The following CCDC7 variants were observed in gnomAD, a reference collection of about 807,000 sequenced individuals.
CCDC7 encodes the protein coiled-coil domain-containing protein 7.
Under a neutral mutation model 196.9 loss-of-function variants are expected in CCDC7, and 183 were observed. That is an observed-to-expected ratio of 0.93 (90% CI 0.82 to 1.05). The LOEUF is 1.05. Ranked by LOEUF, CCDC7 falls within the 50% of genes least tolerant of loss-of-function variation. CCDC7 has a pLI of 0.00. For synonymous variants in CCDC7, 525 were observed against 484.6 expected (o/e 1.08, Z -1.10); for missense variants, 1,540 against 1,482.2 (o/e 1.04, Z -0.64).
At chr10:32,445,202 T>C (rs958591089), upstream of CCDC7, among the ~76,000 whole-genome samples, 3 of 152,130 alleles carry the variant, frequency 2.0e-5, no homozygotes, top group African/African-American at 7.2e-5. Flanking sequence ...AGACAGAACA[T>C]TTCTGGTACA....
At chr10:32,670,839 T>C (rs776797560) in intron 21 of CCDC7, among the ~76,000 whole-genome samples, 29 of 152,228 alleles carry the variant, frequency 1.9e-4, no homozygotes, top group Non-Finnish European at 4.1e-4. Flanking sequence ...TATTATTTTC[T>C]TCCTTCTATA....
chr10:32,470,766 A>G lies in CCDC7; in HGVS notation c.511-298A>G, dbSNP rs527427988. On this transcript the variant is annotated intron_variant, in intron 5 of 41. Coordinates refer to ENST00000639629, the Ensembl canonical transcript of CCDC7. ...ACAATTTAGAATGACTCTTGTAAAT[A>G]TTTTGAGTTGCATTTATTGTTATTG... Among the ~76,000 whole-genome samples the G allele has an allele frequency of 3.3e-4, 50 of 152,304 alleles. No homozygotes were observed. The South Asian group carries it at 4.4e-3, about 13-fold the overall frequency.
intron 29 of CCDC7, among the ~76,000 whole-genome samples, chr10:32,786,633 C>T (rs2081934599): frequency 6.6e-6 from 1 of 152,078 alleles, no homozygotes. Flanking sequence ...TGGTAATGCA[C>T]ACCTGTAATC....
chr10:32,603,268 C>G (rs2061253052), intron 18 of CCDC7, among the ~76,000 whole-genome samples: 1 of 152,012 alleles, frequency 6.6e-6, no homozygotes, highest in Non-Finnish European at 1.5e-5. Context: ...CTCCATGTTA[C>G]AAATCACAGG....
intron 30 of CCDC7, among the ~76,000 whole-genome samples, chr10:32,810,712 C>T (rs1478496977): frequency 6.6e-6 from 1 of 152,090 alleles, no homozygotes; most frequent in Non-Finnish European, 1.5e-5. Flanking sequence ...CTGCAGAACA[C>T]ACATTCTTCT....
At chr10:32,684,050 C>G (rs2076179245) in intron 21 of CCDC7, among the ~76,000 whole-genome samples, 2 of 152,118 alleles carry the variant, frequency 1.3e-5, no homozygotes, top group African/African-American at 4.8e-5. Context: ...ATCTCTGCCT[C>G]AGAGAAATGC....
chr10:32,830,354 C>A (rs375121523), intron 32 of CCDC7, among the ~76,000 whole-genome samples: 1 of 149,116 alleles, frequency 6.7e-6, no homozygotes, highest in Non-Finnish European at 1.5e-5. Context: ...CTAAAAAGCC[C>A]AATTTTAGCA....
At chr10:32,522,698 T>G (rs1303908026) in intron 11 of CCDC7, among the ~76,000 whole-genome samples, 3 of 152,152 alleles carry the variant, frequency 2.0e-5, no homozygotes, top group East Asian at 1.9e-4. Flanking sequence ...TTTCTTCTAC[T>G]AATTTTGGGT....
chr10:32,606,142 G>A lies in CCDC7; in HGVS notation c.1801+21838G>A, dbSNP rs561295401. Among the ~76,000 whole-genome samples, 12 of 152,342 alleles carry A rather than the reference G, an allele frequency of 7.9e-5. No homozygotes were observed. In the South Asian group the frequency reaches 1.9e-3, roughly 24 times the overall value. ...GCAAAGGGCCCCAGATACAGCTCAG[G>A]CCACTGCTTCAGAGGGTACAAGCCA... is the stretch of plus-strand genomic sequence containing the variant. On this transcript the variant is annotated intron_variant, in intron 18 of 41. Transcript: ENST00000639629.
intron 13 of CCDC7, among the ~76,000 whole-genome samples, chr10:32,553,078 A>C (rs1252218231): frequency 6.8e-6 from 1 of 147,356 alleles, no homozygotes; most frequent in Non-Finnish European, 1.5e-5. Flanking sequence ...TTGGTCATTT[A>C]ACATAATCTC....
Position 32,517,940 on chromosome 10 carries a change from T to A in CCDC7, c.873-5T>A. 1 of 1,591,922 alleles carries A rather than the reference T, an allele frequency of 6.3e-7. No individual in the cohort carries two copies. The highest frequency in any genetic ancestry group is 1.1e-5 in the South Asian group (1 of 87,226). ...TAAACACACTTTTTTTGGTTTATTTTTCAGAGCTGTAAATGATCAAGTTTT... is the reference window on the plus strand; with the variant it reads ...TAAACACACTTTTTTTGGTTTATTTATCAGAGCTGTAAATGATCAAGTTTT... On this transcript the variant is annotated splice_region_variant and splice_polypyrimidine_tract_variant and intron_variant, in intron 9 of 41. Transcript: ENST00000639629.
intron 28 of CCDC7, among the ~76,000 whole-genome samples, chr10:32,751,216 C>G (rs1282195393): frequency 6.6e-6 from 1 of 151,746 alleles, no homozygotes; most frequent in Non-Finnish European, 1.5e-5. Flanking sequence ...CTCTATTTAT[C>G]TAGTATTTTG....
At chr10:32,459,404 C>G (rs2035099757) in intron 3 of CCDC7, among the ~76,000 whole-genome samples, 1 of 151,980 alleles carries the variant, frequency 6.6e-6, no homozygotes, top group African/African-American at 2.4e-5. Flanking sequence ...AACACAATTT[C>G]TTGGGAATAT....
intron 24 of CCDC7, among the ~76,000 whole-genome samples, chr10:32,708,549 A>G (rs2080221072): frequency 6.6e-6 from 1 of 152,256 alleles, no homozygotes; most frequent in African/African-American, 2.4e-5. Flanking sequence ...ACAGAATGGG[A>G]GAAAATTTTT....
chr10:32,668,728 A>G (rs1486142099), intron 21 of CCDC7, among the ~76,000 whole-genome samples: 2 of 152,106 alleles, frequency 1.3e-5, no homozygotes, highest in Non-Finnish European at 1.5e-5. Flanking sequence ...AGCCCACTTG[A>G]TCATGGTGGA....
At chr10:32,838,834 C>T (rs187756591) in intron 33 of CCDC7, among the ~76,000 whole-genome samples, 104 of 152,092 alleles carry the variant, frequency 6.8e-4, no homozygotes, top group African/African-American at 2.2e-3. Context: ...TATTTTTAGC[C>T]TCCTTAAATA....
chr10:32,768,912 G>A (rs1196457455), intron 28 of CCDC7, among the ~76,000 whole-genome samples: 1 of 152,052 alleles, frequency 6.6e-6, no homozygotes, highest in Non-Finnish European at 1.5e-5. Context: ...ATTGGATTTG[G>A]TTTGCTAGCA....
At chr10:32,611,208 A>G (rs1053473233) in intron 18 of CCDC7, among the ~76,000 whole-genome samples, 1 of 152,210 alleles carries the variant, frequency 6.6e-6, no homozygotes, top group African/African-American at 2.4e-5. Flanking sequence ...TGTTAGCCGC[A>G]TAAATATCTT....
At chr10:32,861,115 C>CAA (rs142801821) in intron 41 of CCDC7, among the ~76,000 whole-genome samples, 1,088 of 97,034 alleles carry the variant, frequency 0.011, 23 homozygotes, top group African/African-American at 0.018. Flanking sequence ...CAATCATAAG[C>CAA]AAAAAAAAAA....
Sources: gnomAD v4.1 joint callset for allele counts (sites outside exome capture counted in the v4.1 genomes callset) on GRCh38, gnomAD v4.1.1 for gene constraint, MANE v1.5 for transcripts, NCBI Gene and HGNC (gene_info 2026-07-23, HGNC 2026-07-21) for gene names.